Variants in BCL2 observed in about 807,000 individuals in gnomAD.
The protein encoded by BCL2 is BCL2 apoptosis regulator.
BCL2 carries 1 observed loss-of-function variant against 14.2 expected under a neutral mutation model. That is an observed-to-expected ratio of 0.07 (90% CI 0.02 to 0.33). The LOEUF (loss-of-function observed/expected upper bound fraction) is 0.33, where lower values mean the gene tolerates loss of function less well. Ranked by LOEUF, BCL2 falls within the 10% of genes least tolerant of loss-of-function variation. The pLI is 0.99. For synonymous variants in BCL2, 151 were observed against 137.2 expected, an observed-to-expected ratio of 1.10 and a Z score of -0.70; for missense variants, 247 against 305.9, an observed-to-expected ratio of 0.81 and a Z score of 1.44.
chr18:63,170,680 T>A (rs1347016983), intron 2 of BCL2, among the ~76,000 whole-genome samples: 4 of 152,234 alleles, frequency 2.6e-5, no homozygotes, highest in Non-Finnish European at 5.9e-5. Flanking sequence ...CTGCCCTTTA[T>A]ATGTGCTCAA....
chr18:63,290,936 CCTCCG>C (rs1912627241), intron 2 of BCL2, among the ~76,000 whole-genome samples: 2 of 152,108 alleles, frequency 1.3e-5, no homozygotes, highest in African/African-American at 4.8e-5. Flanking sequence ...ATTTCAAAAG[CCTCCG>C]AGATGGTGAT....
At chr18:63,297,082 G>A (rs1340258533) in intron 2 of BCL2, among the ~76,000 whole-genome samples, 3 of 151,996 alleles carry the variant, frequency 2.0e-5, no homozygotes, top group Non-Finnish European at 2.9e-5. Flanking sequence ...GGATGGTGGC[G>A]GGCGCCTGTA....
intron 2 of BCL2, among the ~76,000 whole-genome samples, chr18:63,283,147 T>C (rs1030976992): frequency 1.3e-5 from 2 of 152,260 alleles, no homozygotes; most frequent in African/African-American, 4.8e-5. Flanking sequence ...ATTTTTTTCT[T>C]GCCTTTTGGG....
At chr18:63,129,975 G>A (rs1013482311) in intron 2 of BCL2, among the ~76,000 whole-genome samples, 1 of 152,308 alleles carries the variant, frequency 6.6e-6, no homozygotes, top group Admixed American at 6.5e-5. Flanking sequence ...TGGATGTGCA[G>A]GTCCCTGAGA....
intron 2 of BCL2, among the ~76,000 whole-genome samples, chr18:63,306,662 T>C (rs1913145323): frequency 6.6e-6 from 1 of 152,150 alleles, no homozygotes; most frequent in African/African-American, 2.4e-5. Context: ...CTTCCTTGAC[T>C]CCAATAAATG....
chr18:63,134,016 C>G (rs1339270874), intron 2 of BCL2, among the ~76,000 whole-genome samples: 1 of 152,026 alleles, frequency 6.6e-6, no homozygotes, highest in Non-Finnish European at 1.5e-5. Context: ...TAAAGCAGGA[C>G]AAAACGGTCA....
chr18:63,268,491 C>T (rs557435078), intron 2 of BCL2, among the ~76,000 whole-genome samples: 1 of 152,328 alleles, frequency 6.6e-6, no homozygotes, highest in Non-Finnish European at 1.5e-5. Context: ...CTAACATGTT[C>T]CTAACCTTGC....
intron 2 of BCL2, among the ~76,000 whole-genome samples, chr18:63,170,573 T>G (rs1274463454): frequency 6.6e-6 from 1 of 152,134 alleles, no homozygotes; most frequent in Non-Finnish European, 1.5e-5. Flanking sequence ...ACTAACACTG[T>G]GAGATGCAAG....
chr18:63,311,702 T>C lies in BCL2; in HGVS notation c.585+6380A>G, dbSNP rs375069807. 1.5e-4 allele frequency among the ~76,000 whole-genome samples: 23 copies of C among 152,302 alleles called. No homozygotes were observed. The South Asian group carries it at 4.6e-3, about 30-fold the overall frequency. ...CAGAATGGAAACACAAATTTCCCCA[T>C]TGACGCATGTGGCCCAAACGCGATG... On this transcript the variant is annotated intron_variant, in intron 2 of 2. Coordinates refer to ENST00000333681, the MANE Select transcript of BCL2 (RefSeq NM_000633.3).
chr18:63,219,190 T>G (rs1910310730), intron 2 of BCL2, among the ~76,000 whole-genome samples: 1 of 152,196 alleles, frequency 6.6e-6, no homozygotes, highest in East Asian at 1.9e-4. Flanking sequence ...AATTTTACTC[T>G]TGCAGGTTTT....
At chr18:63,146,959 C>T (rs750716135) in intron 2 of BCL2, among the ~76,000 whole-genome samples, 6 of 152,192 alleles carry the variant, frequency 3.9e-5, no homozygotes, top group Non-Finnish European at 8.8e-5. Flanking sequence ...GTCTACAATA[C>T]CTTTTGGCGA....
At chr18:63,265,715 T>C (rs1486692113) in intron 2 of BCL2, among the ~76,000 whole-genome samples, 2 of 152,132 alleles carry the variant, frequency 1.3e-5, no homozygotes, top group Admixed American at 1.3e-4. Flanking sequence ...ATCTGGAACA[T>C]AGATCACAGA....
chr18:63,292,243 AT>A (rs1441086273), intron 2 of BCL2, among the ~76,000 whole-genome samples: 5 of 150,982 alleles, frequency 3.3e-5, no homozygotes, highest in African/African-American at 9.7e-5. Context: ...AAAAAAAAAA[AT>A]CATGCCCAAT....
intron 2 of BCL2, chr18:63,302,714 GA>G (rs1474937375): frequency 1.5e-5 from 15 of 985,180 alleles, no homozygotes; most frequent in Non-Finnish European, 6.0e-6. Flanking sequence ...AAGTAGGGGG[GA>G]AAAAGAGGTT....
chr18:63,310,711 T>C (rs966659268), intron 2 of BCL2, among the ~76,000 whole-genome samples: 18 of 152,236 alleles, frequency 1.2e-4, no homozygotes, highest in Admixed American at 3.3e-4. Flanking sequence ...AACCAGATTC[T>C]AAAACCCCTC....
In BCL2 at chr18:63,149,023, G is replaced by A. The variant is rs986858242; in HGVS notation, c.586-20264C>T. Among the ~76,000 whole-genome samples the A allele has an allele frequency of 1.3e-5, 2 of 152,138 alleles. No individual in the cohort carries two copies. The highest frequency in any genetic ancestry group is 4.8e-5 in the African/African-American group (2 of 41,430). On this transcript the variant is annotated intron_variant, in intron 2 of 2. Transcript: ENST00000333681. This position sits in a 1 kb window ranked among gnomAD's most constrained non-coding sequence, Gnocchi z 4.2. ...ATGTAGCTATGACTCCCAGCTAAAC[G>A]GGCCTGCCCAGAGCCACGAAGTCAT...
chr18:63,256,525 G>C (rs1384566613), intron 2 of BCL2, among the ~76,000 whole-genome samples: 2 of 152,126 alleles, frequency 1.3e-5, no homozygotes, highest in African/African-American at 4.8e-5. Context: ...CCAACTTTAT[G>C]GTAATAAATT....
chr18:63,266,700 C>T lies in BCL2; in HGVS notation c.585+51382G>A, dbSNP rs138793954. Among the ~76,000 whole-genome samples, 278 of 147,492 alleles carry T rather than the reference C, an allele frequency of 1.9e-3. 1 individual carries two copies. The highest frequency in any genetic ancestry group is 6.9e-3 in the African/African-American group (273 of 39,618). On this transcript the variant is annotated intron_variant, in intron 2 of 2. Coordinates refer to ENST00000333681, the MANE Select transcript of BCL2 (RefSeq NM_000633.3). ...ACTACATACAAATCAAAATCAGGAG[C>T]CACACAAAGGCAGAAGTAGCTTCTG...
rs1169270253 is a variant in BCL2, at chr18:63,318,553, C to G, written c.114G>C (p.Ala38=). 3 of 1,589,190 alleles carry G rather than the reference C, an allele frequency of 1.9e-6. No homozygotes were observed. Residue 38 remains alanine, a synonymous_variant, in exon 2 of 3, where the codon GCG becomes GCC. Transcript: ENST00000333681. This position sits in a 1 kb window ranked among gnomAD's most constrained non-coding sequence, Gnocchi z 7.4. The part of the protein sequence containing the change: ...YEWDAGDVGA[A]PPGAAPAPGI... ...CCGGTGCGGGGGCGGCCCCCGGGGG[C>G]GCGGCGCCCACATCTCCCGCATCCC...
Sources: allele counts gnomAD v4.1 joint callset (sites outside exome capture counted in the v4.1 genomes callset), GRCh38; gene constraint gnomAD v4.1.1; non-coding constraint Gnocchi (gnomAD v3.1); transcripts MANE v1.5; gene names NCBI Gene and HGNC (gene_info 2026-07-23, HGNC 2026-07-21).